Variants in GABRA3 observed in about 807,000 individuals in gnomAD.
GABRA3 encodes the protein gamma-aminobutyric acid receptor subunit alpha-3.
A neutral mutation model predicts 30.1 loss-of-function variants in GABRA3; 10 were observed. That is an observed-to-expected ratio of 0.33 (90% confidence interval 0.20 to 0.56). GABRA3 has a LOEUF of 0.56. Ranked by LOEUF, GABRA3 falls within the 20% of genes least tolerant of loss-of-function variation. The pLI, the probability that GABRA3 is intolerant of heterozygous loss-of-function variation, is 0.89. For synonymous variants in GABRA3, 151 were observed against 146.8 expected (o/e 1.03, Z -0.21); for missense variants, 233 against 392.0 (o/e 0.59, Z 3.42).
chrX:152,280,436 G>GA (rs1488469560), intron 4 of GABRA3, among the ~76,000 whole-genome samples: 37 of 111,449 alleles, frequency 3.3e-4, no homozygotes, highest in African/African-American at 1.2e-3. Context: ...GCACTAGAGA[G>GA]AAAACAGGTA....
chrX:152,445,412 A>G (rs968886263), intron 1 of GABRA3, among the ~76,000 whole-genome samples: 6 of 111,273 alleles, frequency 5.4e-5, no homozygotes, highest in Non-Finnish European at 9.4e-5. Context: ...CAGTAATAGA[A>G]ATACCACCTA....
chrX:152,323,669 C>A (rs535958638), intron 3 of GABRA3, among the ~76,000 whole-genome samples: 2 of 111,985 alleles, frequency 1.8e-5, no homozygotes, highest in Admixed American at 1.9e-4. Context: ...TTCTTTGAAG[C>A]AACTTTTGTA....
intron 1 of GABRA3, among the ~76,000 whole-genome samples, chrX:152,426,675 CT>C (rs1471087346): frequency 8.9e-6 from 1 of 111,844 alleles, no homozygotes; most frequent in Non-Finnish European, 1.9e-5. Flanking sequence ...CGTTGCATTC[CT>C]TATTCGAAGT....
At chrX:152,242,174 G>C (rs959729774) in intron 5 of GABRA3, among the ~76,000 whole-genome samples, 3 of 111,628 alleles carry the variant, frequency 2.7e-5, no homozygotes, top group African/African-American at 9.8e-5. Flanking sequence ...GACACACTAT[G>C]GGGGAAAGAA....
chrX:152,326,415 T>G (rs952623590), intron 3 of GABRA3, among the ~76,000 whole-genome samples: 5 of 110,811 alleles, frequency 4.5e-5, no homozygotes, highest in Non-Finnish European at 9.4e-5. Flanking sequence ...GATTCACCAA[T>G]GTTGAAATGA....
At chrX:152,382,923 C>T (rs766901790) in intron 1 of GABRA3, among the ~76,000 whole-genome samples, 20 of 112,087 alleles carry the variant, frequency 1.8e-4, no homozygotes, top group Non-Finnish European at 3.2e-4. Flanking sequence ...TTGATTACAA[C>T]TGCTTTATAA....
In GABRA3 at chrX:152,393,658, G is replaced by A; in HGVS notation, c.-26-29062C>T. On this transcript the variant is annotated intron_variant, in intron 1 of 9. Coordinates refer to ENST00000370314, the MANE Select transcript of GABRA3 (RefSeq NM_000808.4). ...CAAACAGCATATGACAATGATGCTG[G>A]AGGAGATATCATGGCACATACTCAG... The A allele has an allele frequency of 1.3e-5, 3 of 231,159 alleles. No individual in the cohort carries two copies. In the South Asian group the frequency reaches 1.6e-4, roughly 12 times the overall value. The allele number at this position is 231,159 out of a possible 1,213,427, so 19.1% of individuals were successfully genotyped here. A position where few individuals can be genotyped will look rare whatever the true frequency, so the allele number is the denominator to read the frequency against.
rs757165359 is a variant in GABRA3 at position 152,389,243 on chromosome X, C to T, written c.-26-24647G>A. 3.6e-5 allele frequency: 4 copies of T among 112,191 alleles called. No individual in the cohort carries two copies. The South Asian group carries it at 1.5e-3, about 42-fold the overall frequency. The allele number at this position is 112,191 out of a possible 1,213,427, so 9.2% of individuals were successfully genotyped here. A position where few individuals can be genotyped will look rare whatever the true frequency, so the allele number is the denominator to read the frequency against. On this transcript the variant is annotated intron_variant, in intron 1 of 9. Coordinates refer to ENST00000370314, the MANE Select transcript of GABRA3 (RefSeq NM_000808.4). ...ACCATAGCACATAAATATCCATCAA[C>T]AGCGTTTTATAATTTGACCATGATA... is the stretch of plus-strand genomic sequence containing the variant.
intron 1 of GABRA3, among the ~76,000 whole-genome samples, chrX:152,376,623 C>A (rs1221040145): frequency 3.6e-5 from 4 of 111,371 alleles, no homozygotes; most frequent in African/African-American, 1.3e-4. Flanking sequence ...AAGAGAAATT[C>A]TACCAATATG....
At chrX:152,264,206 C>T (rs1217992548) in intron 4 of GABRA3, among the ~76,000 whole-genome samples, 1 of 111,548 alleles carries the variant, frequency 9.0e-6, no homozygotes, top group African/African-American at 3.2e-5. Context: ...TGCAGCTGTG[C>T]TGTGTAAACT....
At chrX:152,312,677 C>A (rs1297634396) in intron 3 of GABRA3, among the ~76,000 whole-genome samples, 2 of 111,333 alleles carry the variant, frequency 1.8e-5, no homozygotes, top group Non-Finnish European at 3.8e-5. Context: ...GCAAAAGAAT[C>A]AAAAATGTAA....
At chrX:152,205,343 A>C (rs998140623) in intron 7 of GABRA3, among the ~76,000 whole-genome samples, 1 of 111,564 alleles carries the variant, frequency 9.0e-6, no homozygotes, top group African/African-American at 3.3e-5. Flanking sequence ...CTACTTTCTG[A>C]AATAGCAATC....
intron 5 of GABRA3, among the ~76,000 whole-genome samples, chrX:152,239,903 G>T (rs1271456876): frequency 9.9e-6 from 1 of 101,508 alleles, no homozygotes; most frequent in Non-Finnish European, 1.9e-5. Context: ...CACGTGAGAT[G>T]GGTTTGCTGA....
At chrX:152,372,073 T>G (rs1271415474) in intron 1 of GABRA3, among the ~76,000 whole-genome samples, 1 of 111,399 alleles carries the variant, frequency 9.0e-6, no homozygotes, top group African/African-American at 3.3e-5. Context: ...ACCACCCCCA[T>G]GACTGCAATG....
chrX:152,375,225 ATAC>A (rs1928964308), intron 1 of GABRA3, among the ~76,000 whole-genome samples: 1 of 112,123 alleles, frequency 8.9e-6, no homozygotes, highest in Non-Finnish European at 1.9e-5. Context: ...GCTTCAAACT[ATAC>A]TACAAGGCTA....
Position 152,236,664 on chromosome X carries a change from C to T in GABRA3, c.552-11819G>A, listed in dbSNP as rs1447081901. Among the ~76,000 whole-genome samples the T allele has an allele frequency of 1.3e-3, 137 of 107,574 alleles. 1 individual carries two copies. Among genetic ancestry groups the T allele is most frequent in the African/African-American group, 4.4e-3 (130 of 29,503 alleles). 93.4% of individuals were successfully genotyped at this position (107,574 alleles called of 115,157 possible). On this transcript the variant is annotated intron_variant, in intron 5 of 9. Transcript: ENST00000370314. ...CATCTTGTCCAGCACCTGTTGTTTCCTGACTTTTTAATGATTGCCATTCTA... is the reference window on the plus strand; with the variant it reads ...CATCTTGTCCAGCACCTGTTGTTTCTTGACTTTTTAATGATTGCCATTCTA...
intron 1 of GABRA3, among the ~76,000 whole-genome samples, chrX:152,375,738 C>T (rs1928978094): frequency 8.9e-6 from 1 of 112,241 alleles, no homozygotes; most frequent in Admixed American, 9.4e-5. Flanking sequence ...TCATTATTTC[C>T]AATACCAGCA....
chrX:152,312,889 A>G (rs1385519874), intron 3 of GABRA3, among the ~76,000 whole-genome samples: 1 of 111,820 alleles, frequency 8.9e-6, no homozygotes, highest in Non-Finnish European at 1.9e-5. Context: ...AATGCTCAAC[A>G]TCACTAATCA....
chrX:152,235,923 A>C (rs1178865974), intron 5 of GABRA3, among the ~76,000 whole-genome samples: 2 of 109,460 alleles, frequency 1.8e-5, no homozygotes, highest in African/African-American at 6.6e-5. Flanking sequence ...AAAATAACAA[A>C]TCAAAAAGAA....
Sources: allele counts gnomAD v4.1 joint callset (sites outside exome capture counted in the v4.1 genomes callset), GRCh38; gene constraint gnomAD v4.1.1; transcripts MANE v1.5; gene names NCBI Gene and HGNC (gene_info 2026-07-23, HGNC 2026-07-21).